ST18: variants seen among roughly 807,000 people sequenced by gnomAD.
ST18 encodes the protein ST18 C2H2C-type zinc finger transcription factor.
A neutral mutation model predicts 110.0 loss-of-function variants in ST18; 50 were observed. The observed-to-expected ratio is 0.45, with a 90% CI of 0.36 to 0.58. The LOEUF (loss-of-function observed/expected upper bound fraction) is 0.58. Among genes scored for constraint, ST18 ranks in the 20% least tolerant of loss-of-function variants. ST18 has a pLI of 0.00. For synonymous variants in ST18, 461 were observed against 452.4 expected (o/e 1.02, Z -0.24); for missense variants, 1,306 against 1,280.1 (o/e 1.02, Z -0.31).
chr8:52,273,723 T>A (rs968325775), intron 2 of ST18, among the ~76,000 whole-genome samples: 1 of 152,218 alleles, frequency 6.6e-6, no homozygotes. Flanking sequence ...GCATTTTGAG[T>A]CCCCAGTTAG....
At chr8:52,121,491 T>C (rs1304584534) in intron 23 of ST18, among the ~76,000 whole-genome samples, 2 of 152,192 alleles carry the variant, frequency 1.3e-5, no homozygotes, top group Admixed American at 6.5e-5. Flanking sequence ...GCCAAACTTC[T>C]TTCCATGCAC....
chr8:52,341,752 C>G (rs1482759073), intron 2 of ST18, among the ~76,000 whole-genome samples: 1 of 152,186 alleles, frequency 6.6e-6, no homozygotes. Flanking sequence ...ACTTCCCACT[C>G]AATGCTGCAG....
intron 24 of ST18, among the ~76,000 whole-genome samples, chr8:52,117,711 G>A (rs530179406): frequency 6.6e-6 from 1 of 152,326 alleles, no homozygotes; most frequent in East Asian, 1.9e-4. Flanking sequence ...TTCAGAAGAG[G>A]AGAGAAGGGA....
intron 19 of ST18, among the ~76,000 whole-genome samples, chr8:52,134,489 A>C (rs2051146856): frequency 6.6e-6 from 1 of 152,222 alleles, no homozygotes; most frequent in Non-Finnish European, 1.5e-5. Context: ...ATTTGAGAAA[A>C]ACAATAATCC....
At chr8:52,389,380 G>A (rs1365963168) in intron 2 of ST18, among the ~76,000 whole-genome samples, 2 of 152,202 alleles carry the variant, frequency 1.3e-5, no homozygotes, top group Non-Finnish European at 2.9e-5. Flanking sequence ...AGACTGCCTG[G>A]AGGAGCTCTT....
intron 2 of ST18, among the ~76,000 whole-genome samples, chr8:52,273,286 G>A (rs1029585304): frequency 8.5e-5 from 13 of 152,272 alleles, no homozygotes; most frequent in South Asian, 4.1e-4. Flanking sequence ...TTATACTCAC[G>A]TGTGGTCAAT....
intron 2 of ST18, among the ~76,000 whole-genome samples, chr8:52,350,791 GCTCACTGCAACCTCT>G: frequency 6.6e-6 from 1 of 151,822 alleles, no homozygotes; most frequent in Non-Finnish European, 1.5e-5. Flanking sequence ...CCCAATCTTG[GCTCACTGCAACCTCT>G]GCCTCCCGGG....
intron 9 of ST18, among the ~76,000 whole-genome samples, chr8:52,176,490 G>A (rs1327791859): frequency 1.3e-5 from 2 of 152,190 alleles, no homozygotes; most frequent in Non-Finnish European, 2.9e-5. Flanking sequence ...CATAACCAGA[G>A]GGTTACAGCC....
intron 5 of ST18, among the ~76,000 whole-genome samples, chr8:52,219,021 G>A (rs16917503): frequency 0.03 from 4,532 of 152,144 alleles, 77 homozygotes; most frequent in Admixed American, 0.063. Context: ...AAATGGCTAG[G>A]CCCAGACCAC....
chr8:52,116,244 T>C (rs2042495048), intron 25 of ST18, 31 bp downstream of exon 25: 2 of 1,603,608 alleles, frequency 1.2e-6, no homozygotes, highest in African/African-American at 2.7e-5. Flanking sequence ...ATGCTTGTAA[T>C]GGAATGGCAA....
At chr8:52,153,390 C>A (rs984569844) in intron 15 of ST18, among the ~76,000 whole-genome samples, 10 of 152,266 alleles carry the variant, frequency 6.6e-5, no homozygotes, top group Middle Eastern at 3.4e-3. Flanking sequence ...TTTCATCTAG[C>A]AGCTGATGTT....
chr8:52,338,797 G>A (rs147539451), intron 2 of ST18, among the ~76,000 whole-genome samples: 52 of 151,834 alleles, frequency 3.4e-4, no homozygotes, highest in Non-Finnish European at 6.0e-4. Flanking sequence ...AGAGTGCAGT[G>A]CCCAATCACA....
chr8:52,373,963 A>T (rs1831204135), intron 2 of ST18, among the ~76,000 whole-genome samples: 1 of 152,114 alleles, frequency 6.6e-6, no homozygotes, highest in South Asian at 2.1e-4. Flanking sequence ...CTCACACTCC[A>T]GGGCGAACAG....
chr8:52,257,546 T>G (rs545290518), intron 2 of ST18, among the ~76,000 whole-genome samples: 10 of 152,298 alleles, frequency 6.6e-5, no homozygotes, highest in African/African-American at 9.6e-5. Flanking sequence ...GACACTAGCA[T>G]TTTTTTCATG....
chr8:52,225,712 T>C (rs969393746), intron 3 of ST18, among the ~76,000 whole-genome samples: 2 of 152,232 alleles, frequency 1.3e-5, no homozygotes, highest in African/African-American at 4.8e-5. Context: ...TTTTACATGC[T>C]AAGTGTTTCC....
rs767744507 is a variant in ST18, at chr8:52,168,360, AACGGGGC to A, written c.1070-1381_1070-1375del. ...TGCGGAGCCTCGTGTGCTCCTGTGC[AACGGGGC>A]ACGAAGTCTGGCCACTGTCACGGGA... On this transcript the variant is annotated intron_variant, in intron 10 of 25. Transcript: ENST00000689386. 3.7e-4 allele frequency among the ~76,000 whole-genome samples: 56 copies of A among 151,742 alleles called. 1 individual carries two copies. Among genetic ancestry groups the A allele is most frequent in the Middle Eastern group, 3.4e-3 (1 of 294 alleles).
chr8:52,359,138 A>C (rs1212129300), intron 2 of ST18, among the ~76,000 whole-genome samples: 10 of 152,024 alleles, frequency 6.6e-5, no homozygotes, highest in Non-Finnish European at 1.3e-4. Flanking sequence ...AACACATGAT[A>C]TCTCAATTGA....
chr8:52,200,281 A>G (rs527645930), intron 8 of ST18, among the ~76,000 whole-genome samples: 1 of 152,354 alleles, frequency 6.6e-6, no homozygotes, highest in Non-Finnish European at 1.5e-5. Context: ...CAGAAGGAGA[A>G]TAATAAAGAA....
At chr8:52,354,501 G>C (rs1821807191) in intron 2 of ST18, among the ~76,000 whole-genome samples, 1 of 152,196 alleles carries the variant, frequency 6.6e-6, no homozygotes, top group African/African-American at 2.4e-5. Flanking sequence ...GTGTCTGATA[G>C]AGAAAGTCAA....
Sources: allele counts gnomAD v4.1 joint callset (sites outside exome capture counted in the v4.1 genomes callset), GRCh38; gene constraint gnomAD v4.1.1; transcripts MANE v1.5; gene names NCBI Gene and HGNC (gene_info 2026-07-23, HGNC 2026-07-21).